The following SLC35F2 variants were observed in gnomAD, a reference collection of about 807,000 sequenced individuals.
The protein encoded by SLC35F2 is queuine/queuosine transporter SLC35F2.
A neutral mutation model predicts 38.1 loss-of-function variants in SLC35F2; 25 were observed. The ratio of observed to expected loss-of-function variants is 0.66; its 90% CI spans 0.48 to 0.92. The LOEUF (loss-of-function observed/expected upper bound fraction) is 0.92, where lower values mean the gene tolerates loss of function less well. Among genes scored for constraint, SLC35F2 ranks in the 40% least tolerant of loss-of-function variants. The pLI, the probability that SLC35F2 is intolerant of heterozygous loss-of-function variation, is 0.00. For missense variants in SLC35F2, 409 were observed against 452.9 expected, an observed-to-expected ratio of 0.90 and a Z score of 0.88; for synonymous variants, 173 against 181.7, an observed-to-expected ratio of 0.95 and a Z score of 0.38.
chr11:107,842,529 T>C (rs950755596), intron 1 of SLC35F2, among the ~76,000 whole-genome samples: 1 of 151,718 alleles, frequency 6.6e-6, no homozygotes, highest in Non-Finnish European at 1.5e-5. Flanking sequence ...TAATTAAAAA[T>C]AAAATTTTTT....
chr11:107,844,516 T>A (rs1407532413), intron 1 of SLC35F2, among the ~76,000 whole-genome samples: 1 of 121,252 alleles, frequency 8.2e-6, no homozygotes, highest in Non-Finnish European at 1.8e-5. Flanking sequence ...TCCCAGCTAC[T>A]CAGGAGGCGG....
intron 1 of SLC35F2, chr11:107,840,706 C>A (rs1324165779): frequency 6.6e-6 from 1 of 152,230 alleles, no homozygotes; most frequent in Non-Finnish European, 1.5e-5. Flanking sequence ...GCTCCTGCTG[C>A]TTCTCTGGTC....
chr11:107,803,574 T>C, intron 6 of SLC35F2: 2 of 854,928 alleles, frequency 2.3e-6, no homozygotes. Context: ...ATGATTTGTA[T>C]AATTGGATTC....
chr11:107,825,130 C>G (rs1363291831), intron 1 of SLC35F2, among the ~76,000 whole-genome samples: 1 of 152,310 alleles, frequency 6.6e-6, no homozygotes, highest in South Asian at 2.1e-4. Context: ...AGTTCTTGAG[C>G]ACTTCAAATG....
At chr11:107,847,045 T>C (rs745986985) in intron 1 of SLC35F2, among the ~76,000 whole-genome samples, 103 of 152,174 alleles carry the variant, frequency 6.8e-4, no homozygotes, top group Non-Finnish European at 1.0e-3. Context: ...AATAATGGCA[T>C]AGGTTTTCAT....
chr11:107,856,801 G>C (rs1260722211), intron 1 of SLC35F2, among the ~76,000 whole-genome samples: 3 of 148,280 alleles, frequency 2.0e-5, no homozygotes, highest in East Asian at 2.1e-4. Context: ...TGTCCAAGAA[G>C]GGAGGGAGGG....
intron 4 of SLC35F2, 140 bp from the exon 5 acceptor site, chr11:107,805,655 A>G: frequency 6.9e-7 from 1 of 1,448,460 alleles, no homozygotes; most frequent in Non-Finnish European, 9.0e-7. Context: ...TTTATGTGTG[A>G]GAGTGTGTGT....
chr11:107,792,830 G>A (rs1201652056), intron 7 of SLC35F2, 30 bp from the exon 8 acceptor site: 1 of 1,529,444 alleles, frequency 6.5e-7, no homozygotes, highest in East Asian at 2.4e-5. Flanking sequence ...AGTGAATTGT[G>A]CCCCTCACAT....
At chr11:107,842,257 CAAAAAAAAAAAA>C (rs541185009) in intron 1 of SLC35F2, among the ~76,000 whole-genome samples, 3 of 37,908 alleles carry the variant, frequency 7.9e-5, no homozygotes, top group Non-Finnish European at 1.3e-4. Context: ...CTCCGTCTCA[CAAAAAAAAAAAA>C]AAAAAAAAAA....
At chr11:107,840,955 T>C (rs1860005356) in intron 1 of SLC35F2, among the ~76,000 whole-genome samples, 1 of 151,968 alleles carries the variant, frequency 6.6e-6, no homozygotes. Flanking sequence ...TTCCTATGAG[T>C]CATGTCATCC....
intron 1 of SLC35F2, among the ~76,000 whole-genome samples, chr11:107,844,712 C>T (rs1269987794): frequency 1.3e-5 from 2 of 151,846 alleles, no homozygotes; most frequent in East Asian, 1.9e-4. Flanking sequence ...CGGTGGCTCA[C>T]GCCTGTAATC....
chr11:107,811,158 A>G, intron 3 of SLC35F2: 2 of 985,040 alleles, frequency 2.0e-6, no homozygotes, highest in Non-Finnish European at 2.4e-6. Flanking sequence ...AACCTCTGCA[A>G]TGTAGGAATA....
intron 1 of SLC35F2, among the ~76,000 whole-genome samples, chr11:107,858,003 C>A (rs1470288119): frequency 2.6e-5 from 4 of 152,216 alleles, no homozygotes; most frequent in Admixed American, 2.6e-4. Flanking sequence ...CCAGCAACCA[C>A]AGAAACGCTT....
At chr11:107,828,790 T>G (rs978601837) in intron 1 of SLC35F2, among the ~76,000 whole-genome samples, 17 of 152,112 alleles carry the variant, frequency 1.1e-4, no homozygotes, top group Non-Finnish European at 1.3e-4. Context: ...TTTGAATATC[T>G]GCCCTTTCTA....
intron 7 of SLC35F2, among the ~76,000 whole-genome samples, chr11:107,802,777 C>T (rs1184574316): frequency 1.3e-5 from 2 of 152,132 alleles, no homozygotes; most frequent in Non-Finnish European, 2.9e-5. Context: ...GCCATACCAT[C>T]GAAGATGAAA....
chr11:107,858,108 G>C lies in SLC35F2; in HGVS notation c.110+550C>G, dbSNP rs74338575. On this transcript the variant is annotated intron_variant, in intron 1 of 7. Coordinates refer to ENST00000525815, the MANE Select transcript of SLC35F2 (RefSeq NM_017515.5). Reference sequence around the variant, plus strand: ...CAGGCTTCCCTGGACCCCAGCCCTGGGGGTGGCTATATCACCTCGCTCAGG... The same window carrying C: ...CAGGCTTCCCTGGACCCCAGCCCTGCGGGTGGCTATATCACCTCGCTCAGG... Among the ~76,000 whole-genome samples, 73 of 152,324 alleles carry C rather than the reference G, an allele frequency of 4.8e-4. 1 individual carries two copies. In the East Asian group the frequency reaches 8.5e-3, roughly 18 times the overall value.
chr11:107,833,761 C>A (rs1026076117), intron 1 of SLC35F2, among the ~76,000 whole-genome samples: 1 of 152,124 alleles, frequency 6.6e-6, no homozygotes, highest in Non-Finnish European at 1.5e-5. Flanking sequence ...AGATGGCTAA[C>A]GCTCAAAATT....
intron 2 of SLC35F2, among the ~76,000 whole-genome samples, chr11:107,814,095 A>G (rs1055107250): frequency 2.6e-5 from 4 of 152,172 alleles, no homozygotes; most frequent in African/African-American, 9.7e-5. Context: ...TTCTTCTGCT[A>G]TGTCAGCCAC....
At chr11:107,835,009 C>A (rs1048080340) in intron 1 of SLC35F2, among the ~76,000 whole-genome samples, 5 of 152,060 alleles carry the variant, frequency 3.3e-5, no homozygotes, top group Non-Finnish European at 7.3e-5. Context: ...CATCCCATAG[C>A]CAATAAGATA....
Sources: allele counts gnomAD v4.1 joint callset (sites outside exome capture counted in the v4.1 genomes callset), GRCh38; gene constraint gnomAD v4.1.1; transcripts MANE v1.5; gene names NCBI Gene and HGNC (gene_info 2026-07-23, HGNC 2026-07-21).